ADCY10: variants seen among roughly 807,000 people sequenced by gnomAD.
The protein encoded by ADCY10 is adenylate cyclase type 10.
In ADCY10, 156 loss-of-function variants were observed where a neutral mutation model predicts 183.3. The observed-to-expected ratio is 0.85, with a 90% CI of 0.75 to 0.97. The LOEUF (loss-of-function observed/expected upper bound fraction) is 0.97, where lower values mean the gene tolerates loss of function less well. Ranked by LOEUF, ADCY10 falls within the 50% of genes least tolerant of loss-of-function variation. ADCY10 has a pLI of 0.00. For missense variants in ADCY10, 1,745 were observed against 1,934.3 expected (o/e 0.90, Z 1.84); for synonymous variants, 645 against 670.0 (o/e 0.96, Z 0.58).
intron 23 of ADCY10, among the ~76,000 whole-genome samples, chr1:167,834,856 C>T (rs117100283): frequency 7.9e-5 from 12 of 152,132 alleles, no homozygotes; most frequent in Non-Finnish European, 1.0e-4. Flanking sequence ...TCAAGTGAAA[C>T]GGGGTATGCA....
At chr1:167,898,110 A>G (rs1385458036) in intron 6 of ADCY10, among the ~76,000 whole-genome samples, 1 of 151,462 alleles carries the variant, frequency 6.6e-6, no homozygotes, top group African/African-American at 2.4e-5. Flanking sequence ...GTGACATTCA[A>G]ATAAGGTCTT....
chr1:167,826,056 T>C (rs551122336), intron 26 of ADCY10, among the ~76,000 whole-genome samples: 2 of 152,318 alleles, frequency 1.3e-5, no homozygotes, highest in East Asian at 3.9e-4. Context: ...GTAGAGGCTT[T>C]TTTCTTGGAA....
At chr1:167,845,961 TG>T in intron 20 of ADCY10, 23 bp downstream of exon 20, 1 of 1,614,132 alleles carries the variant, frequency 6.2e-7, no homozygotes, top group Non-Finnish European at 8.5e-7. Context: ...AAGAGGAAAT[TG>T]GGTCACTCCA....
chr1:167,854,520 T>C (rs1665745805), intron 17 of ADCY10, 31 bp from the exon 18 acceptor site: 1 of 1,613,552 alleles, frequency 6.2e-7, no homozygotes, highest in South Asian at 1.1e-5. Flanking sequence ...TCTGTTTACA[T>C]TGAAGATACA....
intron 9 of ADCY10, among the ~76,000 whole-genome samples, chr1:167,882,085 AG>A (rs1667901625): frequency 6.6e-6 from 1 of 152,222 alleles, no homozygotes; most frequent in East Asian, 1.9e-4. Context: ...GCAGTAATTA[AG>A]TGCTCTGCTT....
chr1:167,888,901 G>C (rs1179980780), intron 8 of ADCY10, among the ~76,000 whole-genome samples: 3 of 143,622 alleles, frequency 2.1e-5, no homozygotes, highest in Middle Eastern at 3.8e-3. Flanking sequence ...GAAAAAGAAA[G>C]AAAAAGAAAT....
intron 9 of ADCY10, among the ~76,000 whole-genome samples, chr1:167,881,295 G>A (rs1030440863): frequency 1.3e-5 from 2 of 152,216 alleles, no homozygotes; most frequent in Admixed American, 6.5e-5. Flanking sequence ...CCTCAGTCAG[G>A]TGCTGTTGTC....
Position 167,822,130 on chromosome 1 carries a change from T to C in ADCY10, c.4180A>G (p.Arg1394Gly). Residue 1394 changes from arginine (R) to glycine (G), a missense_variant, in exon 30 of 33, where the codon AGA becomes GGA. Transcript: ENST00000367851. The part of the protein sequence containing the change: ...DILLYSGFVY[R>G]TFEECLEFIH... ...AATTCCAAACATTCTTCAAATGTTC[T>C]ATAAACAAAACCTAAGAGAGAGAGG... is the stretch of plus-strand genomic sequence containing the variant. 6.3e-7 allele frequency: 1 copy of C among 1,584,842 alleles called. No individual in the cohort carries two copies.
chr1:167,824,027 TAAA>T (rs202156080), intron 28 of ADCY10, among the ~76,000 whole-genome samples: 1 of 152,040 alleles, frequency 6.6e-6, no homozygotes. Context: ...CTGTTTAAAA[TAAA>T]AAAGACAAGG....
At chr1:167,847,001 C>G (rs1665085386) in intron 19 of ADCY10, among the ~76,000 whole-genome samples, 2 of 151,882 alleles carry the variant, frequency 1.3e-5, no homozygotes, top group East Asian at 3.9e-4. Context: ...TCTCGGCTCA[C>G]TGCAACCTCC....
At chr1:167,912,599 AC>A (rs1337963404) in intron 1 of ADCY10, among the ~76,000 whole-genome samples, 1 of 151,954 alleles carries the variant, frequency 6.6e-6, no homozygotes, top group Admixed American at 6.6e-5. Context: ...GCTGACGTCC[AC>A]CCCACTGGGG....
In ADCY10 at chr1:167,846,076, A is replaced by C; in HGVS notation, c.2625T>G (p.Asn875Lys). ...TCAGGGCCTTTTGAAGCTCCTTGCC[A>C]TTCCGGAAACAATAAAAAATGTTAG... ...VESNIFYCFRNGKELQKALKQ... is the reference protein window; with the variant it reads ...VESNIFYCFRKGKELQKALKQ... The change falls in exon 20 of 33, where the codon AAT becomes AAG. Residue 875 changes from asparagine (N) to lysine (K), a missense_variant. Asn to Lys is a moderately conservative substitution (Grantham distance 94). Coordinates refer to ENST00000367851, the MANE Select transcript of ADCY10 (RefSeq NM_018417.6). 1.2e-6 allele frequency: 2 copies of C among 1,614,086 alleles called. No individual in the cohort carries two copies. The highest frequency in any genetic ancestry group is 1.7e-6 in the Non-Finnish European group (2 of 1,179,982).
chr1:167,827,597 T>C (rs1459636621), intron 26 of ADCY10, among the ~76,000 whole-genome samples: 4 of 152,126 alleles, frequency 2.6e-5, no homozygotes, highest in Non-Finnish European at 5.9e-5. Context: ...GGTTATGACC[T>C]AGACTAGTGG....
At chr1:167,895,683 G>A (rs530595552) in intron 7 of ADCY10, among the ~76,000 whole-genome samples, 6 of 152,316 alleles carry the variant, frequency 3.9e-5, no homozygotes, top group South Asian at 2.1e-4. Flanking sequence ...AGACTGAAGC[G>A]AATTCTGGCT....
Position 167,836,375 on chromosome 1 carries a change from A to G in ADCY10, c.3243T>C (p.Asn1081=). Residue 1081 remains asparagine, a synonymous_variant, in exon 23 of 33, where the codon AAT becomes AAC. Transcript: ENST00000367851. ...LAHHFLALGE[N]DKALYYFLEI... Reference sequence around the variant, plus strand: ...CTAAGAAGTAATATAAGGCTTTGTCATTTTCTCCCAAAGCCAGAAAATGGT... The same window carrying G: ...CTAAGAAGTAATATAAGGCTTTGTCGTTTTCTCCCAAAGCCAGAAAATGGT... 6.2e-7 allele frequency: 1 copy of G among 1,614,140 alleles called. No homozygotes were observed. Among genetic ancestry groups the G allele is most frequent in the Non-Finnish European group, 8.5e-7 (1 of 1,180,006 alleles).
intron 14 of ADCY10, among the ~76,000 whole-genome samples, chr1:167,867,777 T>G (rs1314936166): frequency 6.7e-6 from 1 of 149,614 alleles, no homozygotes; most frequent in African/African-American, 2.5e-5. Flanking sequence ...TTCTTTAAAC[T>G]GAAAAAAAAA....
chr1:167,883,066 C>A (rs1667977282), intron 9 of ADCY10, among the ~76,000 whole-genome samples: 1 of 152,234 alleles, frequency 6.6e-6, no homozygotes, highest in Non-Finnish European at 1.5e-5. Context: ...GAGACGGAGT[C>A]TCACGCTATA....
At position 167,883,309 on chromosome 1, in the gene ADCY10, A is replaced by AC. The variant is rs1471528612; in HGVS notation, c.1020+127_1020+128insG. The AC allele has an allele frequency of 4.9e-6, 5 of 1,023,992 alleles. No individual in the cohort carries two copies. In the East Asian group the frequency reaches 1.2e-4, roughly 25 times the overall value. 63.4% of individuals were successfully genotyped at this position (1,023,992 alleles called of 1,614,324 possible). On this transcript the variant is annotated intron_variant, in intron 9 of 32. Coordinates refer to ENST00000367851, the MANE Select transcript of ADCY10 (RefSeq NM_018417.6). ...CACCTCTGCCTCCCAAAGAGCTGGGATTACAGGCGTGAGCCACCACGCCCA... is the reference window on the plus strand; with the variant it reads ...CACCTCTGCCTCCCAAAGAGCTGGGACTTACAGGCGTGAGCCACCACGCCCA...
intron 12 of ADCY10, among the ~76,000 whole-genome samples, chr1:167,877,599 A>G (rs1667560826): frequency 2.6e-5 from 4 of 152,194 alleles, no homozygotes; most frequent in Non-Finnish European, 5.9e-5. Context: ...AGTATCTTCA[A>G]AGAGTTCACA....
Sources: allele counts gnomAD v4.1 joint callset (sites outside exome capture counted in the v4.1 genomes callset), GRCh38; gene constraint gnomAD v4.1.1; transcripts MANE v1.5; gene names NCBI Gene and HGNC (gene_info 2026-07-23, HGNC 2026-07-21).